Variants in CHODL observed in about 807,000 individuals in gnomAD.
CHODL encodes the protein chondrolectin.
A neutral mutation model predicts 34.5 loss-of-function variants in CHODL; 29 were observed. The observed-to-expected ratio is 0.84, with a 90% CI of 0.63 to 1.15. The LOEUF is 1.15. CHODL is among the 50% of genes most tolerant of loss of function. CHODL has a pLI of 0.00. For synonymous variants in CHODL, 125 were observed against 116.1 expected, an observed-to-expected ratio of 1.08 and a Z score of -0.49; for missense variants, 332 against 332.5, an observed-to-expected ratio of 1.00 and a Z score of 0.01.
At chr21:18,241,177 C>T (rs1466136744), upstream of CHODL, among the ~76,000 whole-genome samples, 1 of 151,292 alleles carries the variant, frequency 6.6e-6, no homozygotes. Context: ...GGTGTCATCT[C>T]TAAAATATTG....
intron 2 of CHODL, among the ~76,000 whole-genome samples, chr21:18,196,714 A>C (rs932841347): frequency 6.6e-6 from 1 of 152,208 alleles, no homozygotes; most frequent in Non-Finnish European, 1.5e-5. Context: ...ATCATATAAA[A>C]ATAGGATTTT....
rs1568922980 is a variant in CHODL, at chr21:18,174,098, G to GAGATATATATATATATCTTGGTATATAT, written c.-44-82410_-44-82409insGATATATATATATATCTTGGTATATATA. Among the ~76,000 whole-genome samples the GAGATATATATATATATCTTGGTATATAT allele has an allele frequency of 2.2e-4, 21 of 94,800 alleles. 5 individuals are homozygous for GAGATATATATATATATCTTGGTATATAT. The highest frequency in any genetic ancestry group is 3.4e-4 in the Non-Finnish European group (14 of 41,426). The allele number at this position is 94,800 out of a possible 152,430, so 62.2% of individuals were successfully genotyped here. A position where few individuals can be genotyped will look rare whatever the true frequency, so the allele number is the denominator to read the frequency against. ...GAGGTAGAAGGGGAAACAAATACAG[G>GAGATATATATATATATCTTGGTATATAT]ATATATATATATATATATCTTGGTG... On this transcript the variant is annotated intron_variant, in intron 2 of 6. Coordinates refer to the CHODL transcript ENST00000400127.
At chr21:18,250,720 A>G (rs1401129011) in intron 1 of CHODL, among the ~76,000 whole-genome samples, 1 of 151,918 alleles carries the variant, frequency 6.6e-6, no homozygotes, top group East Asian at 1.9e-4. Flanking sequence ...GTATCAACAT[A>G]TTTATCAGTG....
intron 2 of CHODL, among the ~76,000 whole-genome samples, chr21:18,221,573 G>T (rs1216718655): frequency 6.6e-6 from 1 of 152,174 alleles, no homozygotes; most frequent in East Asian, 1.9e-4. Flanking sequence ...CAATTAGATA[G>T]AATGCTTTCA....
intron 2 of CHODL, among the ~76,000 whole-genome samples, chr21:18,233,146 GA>G (rs2073998582): frequency 6.6e-6 from 1 of 151,764 alleles, no homozygotes; most frequent in South Asian, 2.1e-4. Flanking sequence ...TCCAGCCTCT[GA>G]TAACCACTGT....
At chr21:18,000,438 C>T (rs1382220849) in intron 1 of CHODL, among the ~76,000 whole-genome samples, 1 of 152,122 alleles carries the variant, frequency 6.6e-6, no homozygotes, top group Admixed American at 6.5e-5. Flanking sequence ...CTCTTCTGCC[C>T]ATCTTCCTAG....
rs2063379915 is a variant in CHODL at position 17,943,201 on chromosome 21, G to C, written c.-145+25801G>C. Among the ~76,000 whole-genome samples the C allele has an allele frequency of 2.0e-5, 3 of 152,116 alleles. No homozygotes were observed. The South Asian group carries it at 6.2e-4, about 32-fold the overall frequency. On this transcript the variant is annotated intron_variant, in intron 1 of 6. Transcript: ENST00000400127. ...GACTTTAGTAATGAAGATTATTCTA[G>C]GTAATATAAGTGAAGTGGGCCTGAT...
intron 2 of CHODL, among the ~76,000 whole-genome samples, chr21:18,104,540 A>C (rs914894557): frequency 2.0e-5 from 3 of 152,152 alleles, no homozygotes; most frequent in African/African-American, 7.2e-5. Flanking sequence ...CAAACTAATA[A>C]AATATACCAT....
At chr21:17,995,933 T>C (rs2063845018) in intron 1 of CHODL, among the ~76,000 whole-genome samples, 1 of 152,246 alleles carries the variant, frequency 6.6e-6, no homozygotes, top group Admixed American at 6.5e-5. Flanking sequence ...TTGATCCATT[T>C]TGTATTCTGG....
intron 1 of CHODL, among the ~76,000 whole-genome samples, chr21:18,248,974 T>C (rs2074195038): frequency 9.2e-6 from 1 of 109,124 alleles, no homozygotes; most frequent in African/African-American, 4.7e-5. Flanking sequence ...TACATATATG[T>C]AAATATATAT....
intron 2 of CHODL, among the ~76,000 whole-genome samples, chr21:18,055,487 A>G (rs79138132): frequency 0.051 from 7,817 of 152,142 alleles, 260 homozygotes; most frequent in African/African-American, 0.094. Context: ...GATAGGTTGA[A>G]CAGGGTTTGA....
intron 1 of CHODL, among the ~76,000 whole-genome samples, chr21:18,025,400 G>T (rs1300817382): frequency 2.0e-5 from 3 of 152,048 alleles, no homozygotes; most frequent in Admixed American, 2.0e-4. Flanking sequence ...ATGTGGTAGA[G>T]TCTTTATGAA....
chr21:17,919,300 C>G (rs2146307579), intron 1 of CHODL, among the ~76,000 whole-genome samples: 1 of 152,246 alleles, frequency 6.6e-6, no homozygotes. Flanking sequence ...GCACTCTGCC[C>G]CTGCAGCAAA....
chr21:18,251,732 T>TTTATTTATTTTAATATATAAAATAAATA, intron 1 of CHODL, among the ~76,000 whole-genome samples: 1 of 103,610 alleles, frequency 9.7e-6, no homozygotes, highest in Non-Finnish European at 1.9e-5. Context: ...TAAATATTTA[T>TTTATTTATTTTAATATATAAAATAAATA]TTTATTTATT....
chr21:18,247,988 G>A (rs918391569), intron 1 of CHODL, among the ~76,000 whole-genome samples: 2 of 151,430 alleles, frequency 1.3e-5, no homozygotes, highest in East Asian at 1.9e-4. Flanking sequence ...AACATTTGAA[G>A]TGTTTTGAAG....
At chr21:18,216,263 A>T (rs889826163) in intron 2 of CHODL, among the ~76,000 whole-genome samples, 1 of 152,198 alleles carries the variant, frequency 6.6e-6, no homozygotes, top group Non-Finnish European at 1.5e-5. Flanking sequence ...TCAAATATTT[A>T]TCATTTCTTT....
Position 18,265,078 on chromosome 21 carries a change from C to T in CHODL, c.738-876C>T, listed in dbSNP as rs145159925. Among the ~76,000 whole-genome samples the T allele has an allele frequency of 2.2e-4, 34 of 151,492 alleles. No homozygotes were observed. In the East Asian group the frequency reaches 2.9e-3, roughly 13 times the overall value. On this transcript the variant is annotated intron_variant, in intron 5 of 5. Coordinates refer to ENST00000299295, the MANE Select transcript of CHODL (RefSeq NM_024944.3). The stretch of plus-strand genomic sequence containing the variant: ...TAAAGGTATTTATTGGTGAATAAAA[C>T]GGAAATGTTTAATATAGTGTCAGGC...
intron 1 of CHODL, among the ~76,000 whole-genome samples, chr21:17,998,773 C>T (rs1600874755): frequency 2.0e-5 from 3 of 152,226 alleles, no homozygotes; most frequent in Non-Finnish European, 2.9e-5. Flanking sequence ...AGGCTGCATA[C>T]AGCTTGGGGA....
At chr21:18,073,945 T>G (rs1385273272) in intron 2 of CHODL, among the ~76,000 whole-genome samples, 1 of 152,144 alleles carries the variant, frequency 6.6e-6, no homozygotes, top group Non-Finnish European at 1.5e-5. Flanking sequence ...TCATAACATT[T>G]AGCTTGGGAT....
Sources: gnomAD v4.1 joint callset for allele counts (sites outside exome capture counted in the v4.1 genomes callset) on GRCh38, gnomAD v4.1.1 for gene constraint, MANE v1.5 for transcripts, NCBI Gene and HGNC (gene_info 2026-07-23, HGNC 2026-07-21) for gene names.